The following XNDC1N variants were observed in gnomAD, a reference collection of about 807,000 sequenced individuals.
The protein encoded by XNDC1N is XRCC1 N-terminal domain containing 1, N-terminal like.
the XNDC1N span, among the ~76,000 whole-genome samples, chr11:71,919,336 A>G: frequency 3.9e-5 from 6 of 151,986 alleles, no homozygotes; most frequent in Admixed American, 3.9e-4. Context: ...ACTGAAGGCC[A>G]TAGGCTAAAT....
the XNDC1N span, among the ~76,000 whole-genome samples, chr11:71,883,114 A>T: frequency 6.6e-6 from 1 of 152,346 alleles, no homozygotes; most frequent in East Asian, 1.9e-4. Flanking sequence ...CAGTAGAAAG[A>T]TATCCTATGT....
At chr11:71,901,763 T>C in the XNDC1N span, among the ~76,000 whole-genome samples, 1 of 152,036 alleles carries the variant, frequency 6.6e-6, no homozygotes, top group African/African-American at 2.4e-5. Flanking sequence ...CCTCTGAGAC[T>C]CACCACTCTC....
chr11:71,879,804 C>A, the XNDC1N span, among the ~76,000 whole-genome samples: 1 of 152,082 alleles, frequency 6.6e-6, no homozygotes, highest in Non-Finnish European at 1.5e-5. Flanking sequence ...TATGTATATT[C>A]CTATTCTGGA....
At chr11:71,901,072 C>T in the XNDC1N span, among the ~76,000 whole-genome samples, 1 of 152,138 alleles carries the variant, frequency 6.6e-6, no homozygotes, top group African/African-American at 2.4e-5. Context: ...ATCACTGTGT[C>T]AAGTATGGAA....
the XNDC1N span, chr11:71,916,344 G>C: frequency 4.6e-6 from 3 of 645,536 alleles, no homozygotes; most frequent in East Asian, 2.7e-5. Flanking sequence ...AAGGAAAAGA[G>C]CTATAGAGAG....
chr11:71,878,402 C>T, the XNDC1N span: 2 of 1,600,742 alleles, frequency 1.2e-6, no homozygotes, highest in Non-Finnish European at 1.7e-6. Context: ...ACACAGAAGT[C>T]CTCTTCATCT....
chr11:71,881,184 T>C, the XNDC1N span, among the ~76,000 whole-genome samples: 1 of 152,214 alleles, frequency 6.6e-6, no homozygotes, highest in Non-Finnish European at 1.5e-5. Flanking sequence ...AATATATCTA[T>C]TCCACTACTG....
At chr11:71,866,124 G>C in the XNDC1N span, among the ~76,000 whole-genome samples, 2 of 141,998 alleles carry the variant, frequency 1.4e-5, no homozygotes, top group African/African-American at 5.5e-5. Context: ...TTATCTGAAA[G>C]ATATAGATCT....
chr11:71,906,328 G>C, the XNDC1N span, among the ~76,000 whole-genome samples: 1 of 151,976 alleles, frequency 6.6e-6, no homozygotes, highest in African/African-American at 2.4e-5. Flanking sequence ...GTGACATTAG[G>C]AGTAGCATCC....
chr11:71,899,004 C>T, the XNDC1N span, among the ~76,000 whole-genome samples: 1 of 152,162 alleles, frequency 6.6e-6, no homozygotes, highest in Non-Finnish European at 1.5e-5. Context: ...GAAGAATACA[C>T]ACTAGCTTTC....
chr11:71,900,100 C>G, the XNDC1N span, among the ~76,000 whole-genome samples: 1,342 of 151,542 alleles, frequency 8.9e-3, 17 homozygotes, highest in African/African-American at 0.032. Context: ...TTCATTATGA[C>G]ATAGATTCTA....
At chr11:71,889,443 G>T in the XNDC1N span, among the ~76,000 whole-genome samples, 1 of 152,194 alleles carries the variant, frequency 6.6e-6, no homozygotes, top group Admixed American at 6.5e-5. Context: ...TCAAGCACCT[G>T]ATCTGGGACC....
chr11:71,908,258 G>C, the XNDC1N span, among the ~76,000 whole-genome samples: 1 of 151,510 alleles, frequency 6.6e-6, no homozygotes, highest in Non-Finnish European at 1.5e-5. Flanking sequence ...ATAATTATTA[G>C]GAGCTAATAT....
chr11:71,910,666 A>G, the XNDC1N span, among the ~76,000 whole-genome samples: 1 of 152,202 alleles, frequency 6.6e-6, no homozygotes, highest in Admixed American at 6.5e-5. Flanking sequence ...TGCCGACAGC[A>G]GGTACGTTAC....
the XNDC1N span, chr11:71,923,406 T>C: frequency 1.4e-6 from 1 of 701,680 alleles, no homozygotes; most frequent in African/African-American, 1.7e-5. Flanking sequence ...CCTCTCAAGA[T>C]TTCTTCTGTC....
the XNDC1N span, among the ~76,000 whole-genome samples, chr11:71,907,715 T>C: frequency 1.3e-5 from 2 of 151,972 alleles, no homozygotes; most frequent in South Asian, 2.1e-4. Flanking sequence ...ACTATATCAG[T>C]TGGGGACGTG....
chr11:71,896,043 C>G, the XNDC1N span, among the ~76,000 whole-genome samples: 1 of 152,160 alleles, frequency 6.6e-6, no homozygotes, highest in African/African-American at 2.4e-5. Flanking sequence ...TCTAAGAGGC[C>G]GAGTCACACA....
At chr11:71,903,564 A>C in the XNDC1N span, 1 of 675,074 alleles carries the variant, frequency 1.5e-6, no homozygotes, top group Non-Finnish European at 2.7e-6. Flanking sequence ...ACCAGTTTGT[A>C]GCCATCTGTC....
the XNDC1N span, among the ~76,000 whole-genome samples, chr11:71,902,609 G>T: frequency 6.6e-6 from 1 of 152,248 alleles, no homozygotes; most frequent in Non-Finnish European, 1.5e-5. Context: ...AAGGAGAAAA[G>T]TCCGAAAACA....
Sources: gnomAD v4.1 joint callset for allele counts (sites outside exome capture counted in the v4.1 genomes callset) on GRCh38, gnomAD v4.1.1 for gene constraint, MANE v1.5 for transcripts, NCBI Gene and HGNC (gene_info 2026-07-23, HGNC 2026-07-21) for gene names.